The following RALGAPA1 variants were observed in gnomAD, a reference collection of about 807,000 sequenced individuals.
RALGAPA1 encodes ral GTPase-activating protein subunit alpha-1.
A neutral mutation model predicts 269.6 loss-of-function variants in RALGAPA1; 52 were observed. The observed-to-expected ratio is 0.19, with a 90% confidence interval of 0.15 to 0.24. RALGAPA1 has a LOEUF of 0.24. Among genes scored for constraint, RALGAPA1 ranks in the 10% least tolerant of loss-of-function variants. The pLI is 1.00. For missense variants in RALGAPA1, 1,917 were observed against 3,013.9 expected, an observed-to-expected ratio of 0.64 and a Z score of 8.52; for synonymous variants, 817 against 1,008.3, an observed-to-expected ratio of 0.81 and a Z score of 3.60.
At chr14:35,664,969 A>G (rs1393463440) in intron 26 of RALGAPA1, among the ~76,000 whole-genome samples, 1 of 152,212 alleles carries the variant, frequency 6.6e-6, no homozygotes. Context: ...AATGCAATAA[A>G]CAAGTAGCAG....
rs961188862 is a variant in RALGAPA1 at position 35,723,262 on chromosome 14, G to A, written c.1869C>T (p.Thr623=). ...TTGCTTTGATCCAGGCAACTATAAG[G>A]GTCTATAAAGACAAATATCAGAAAT... ...AGRLAGPLFQ[T]LIVAWIKANL... is the part of the protein sequence containing the mutation. Residue 623 remains threonine (T), a splice_region_variant and synonymous_variant, in exon 15 of 42, where the codon ACC becomes ACT. Transcript: ENST00000680220. The A allele has an allele frequency of 2.3e-5, 35 of 1,534,918 alleles. No homozygotes were observed. Among genetic ancestry groups the A allele is most frequent in the Non-Finnish European group, 2.9e-5 (32 of 1,115,610 alleles).
Position 35,664,690 on chromosome 14 carries a change from A to T in RALGAPA1, c.5280T>A (p.Leu1760=), listed in dbSNP as rs917509784. ...CAGCAACATCAGGAATGTTGGGATG[A>T]AGAGAAGGCAGTTCACAATATAAGT... ...FPNLYCELPS[L]HPNIPDVAVS... Residue 1760 remains leucine, a synonymous_variant, in exon 27 of 42, where the codon CTT becomes CTA. Coordinates refer to ENST00000680220, the MANE Select transcript of RALGAPA1 (RefSeq NM_001346249.2). 6 of 1,612,758 alleles carry T rather than the reference A, an allele frequency of 3.7e-6. No homozygotes were observed. Among genetic ancestry groups the T allele is most frequent in the Non-Finnish European group, 5.1e-6 (6 of 1,179,306 alleles).
chr14:35,794,428 T>G (rs2076410763), intron 1 of RALGAPA1, among the ~76,000 whole-genome samples: 2 of 152,286 alleles, frequency 1.3e-5, no homozygotes, highest in South Asian at 4.1e-4. Flanking sequence ...CAGCCAAATC[T>G]GTTAATCCAT....
chr14:35,680,210 T>C (rs1287994379), intron 21 of RALGAPA1, among the ~76,000 whole-genome samples: 2 of 152,176 alleles, frequency 1.3e-5, no homozygotes, highest in Non-Finnish European at 2.9e-5. Context: ...TTTATTTTAT[T>C]ATCATTATTT....
chr14:35,555,329 T>G (rs2055498783), intron 39 of RALGAPA1, among the ~76,000 whole-genome samples: 1 of 152,310 alleles, frequency 6.6e-6, no homozygotes, highest in South Asian at 2.1e-4. Context: ...TCATAAATTC[T>G]ACAATGGCAT....
intron 27 of RALGAPA1, among the ~76,000 whole-genome samples, chr14:35,663,365 T>C (rs1344624863): frequency 6.6e-6 from 1 of 151,740 alleles, no homozygotes; most frequent in African/African-American, 2.4e-5. Flanking sequence ...AGAAAGTGTA[T>C]GCAACATTCC....
chr14:35,782,550 C>T (rs996424238), intron 1 of RALGAPA1, among the ~76,000 whole-genome samples: 1 of 152,118 alleles, frequency 6.6e-6, no homozygotes, highest in African/African-American at 2.4e-5. Flanking sequence ...TCTCCTGCCT[C>T]AGCATCCAGA....
At chr14:35,773,823 C>T (rs7156277) in intron 3 of RALGAPA1, among the ~76,000 whole-genome samples, 3,318 of 151,988 alleles carry the variant, frequency 0.022, 122 homozygotes, top group African/African-American at 0.075. Context: ...TTCTTTTTTT[C>T]CCCCCTTAAC....
chr14:35,640,767 G>T (rs1267132925), intron 31 of RALGAPA1, among the ~76,000 whole-genome samples: 5 of 151,956 alleles, frequency 3.3e-5, no homozygotes, highest in Admixed American at 2.6e-4. Flanking sequence ...CAAAATAAAA[G>T]ACATCAACAA....
rs2069572761 is a variant in RALGAPA1, at chr14:35,723,020, T to C, written c.2104+7A>G. 6.3e-7 allele frequency: 1 copy of C among 1,578,424 alleles called. No homozygotes were observed. The highest frequency in any genetic ancestry group is 8.7e-7 in the Non-Finnish European group (1 of 1,148,712). On this transcript the variant is annotated splice_region_variant and intron_variant, in intron 15 of 41. Coordinates refer to ENST00000680220, the MANE Select transcript of RALGAPA1 (RefSeq NM_001346249.2). ...TTATATAGAGCATCTCTATGAACAA[T>C]TCTTACCTTTCCCTTTGTGCTTTTT...
chr14:35,562,837 C>T (rs140540042), intron 39 of RALGAPA1, among the ~76,000 whole-genome samples: 6,103 of 151,170 alleles, frequency 0.04, 344 homozygotes, highest in African/African-American at 0.12. Context: ...CTGGCTAACA[C>T]GGTGAAACCC....
chr14:35,631,826 A>G (rs375496672), intron 33 of RALGAPA1, among the ~76,000 whole-genome samples: 1 of 152,224 alleles, frequency 6.6e-6, no homozygotes, highest in African/African-American at 2.4e-5. Flanking sequence ...TTTAAAGAGC[A>G]TTATAAGTAA....
intron 12 of RALGAPA1, among the ~76,000 whole-genome samples, chr14:35,730,102 C>T (rs2141029139): frequency 6.6e-6 from 1 of 152,306 alleles, no homozygotes; most frequent in East Asian, 1.9e-4. Flanking sequence ...TCCTTCTCTC[C>T]CGAAAACACA....
At chr14:35,661,409 T>C (rs368692733) in intron 27 of RALGAPA1, among the ~76,000 whole-genome samples, 2 of 152,040 alleles carry the variant, frequency 1.3e-5, no homozygotes, top group African/African-American at 4.8e-5. Flanking sequence ...AATACAAGGG[T>C]AAAATATTGA....
chr14:35,574,952 A>T (rs961560737), intron 37 of RALGAPA1, among the ~76,000 whole-genome samples: 3 of 151,918 alleles, frequency 2.0e-5, no homozygotes, highest in Non-Finnish European at 2.9e-5. Flanking sequence ...ACATGGTGAA[A>T]CCCCATCTCT....
At chr14:35,694,649 T>C (rs951366019) in intron 17 of RALGAPA1, among the ~76,000 whole-genome samples, 2 of 152,170 alleles carry the variant, frequency 1.3e-5, no homozygotes, top group Non-Finnish European at 2.9e-5. Context: ...ATTGTTTTCC[T>C]GATTTTAAAA....
chr14:35,790,643 G>A (rs1297803362), intron 1 of RALGAPA1, among the ~76,000 whole-genome samples: 3 of 145,114 alleles, frequency 2.1e-5, no homozygotes, highest in Admixed American at 6.9e-5. Context: ...AGCCTAGATC[G>A]CGCCACTGCA....
intron 5 of RALGAPA1, 46 bp from the exon 6 acceptor site, chr14:35,761,052 T>A: frequency 7.1e-7 from 1 of 1,414,624 alleles, no homozygotes; most frequent in Non-Finnish European, 9.5e-7. Context: ...ATAATGGAAA[T>A]ATTTTCTTCC....
chr14:35,592,518 G>A (rs2058697828), intron 37 of RALGAPA1, among the ~76,000 whole-genome samples: 1 of 152,122 alleles, frequency 6.6e-6, no homozygotes, highest in African/African-American at 2.4e-5. Flanking sequence ...GCATCCCCTC[G>A]ATCCCTAAGC....
Sources: allele counts gnomAD v4.1 joint callset (sites outside exome capture counted in the v4.1 genomes callset), GRCh38; gene constraint gnomAD v4.1.1; transcripts MANE v1.5; gene names NCBI Gene and HGNC (gene_info 2026-07-23, HGNC 2026-07-21).